The following RBFOX3 variants were observed in gnomAD, a reference collection of about 807,000 sequenced individuals.
RBFOX3 encodes RNA binding protein fox-1 homolog 3.
Under a neutral mutation model 48.7 loss-of-function variants are expected in RBFOX3, and 17 were observed. The observed-to-expected ratio is 0.35, with a 90% CI of 0.24 to 0.52. The LOEUF is 0.52. Ranked by LOEUF, RBFOX3 falls within the 20% of genes least tolerant of loss-of-function variation. The pLI is 0.94. For synonymous variants in RBFOX3, 212 were observed against 209.5 expected, an observed-to-expected ratio of 1.01 and a Z score of -0.10; for missense variants, 382 against 497.5, an observed-to-expected ratio of 0.77 and a Z score of 2.21.
At chr17:79,312,968 T>C (rs1210464040) in intron 2 of RBFOX3, among the ~76,000 whole-genome samples, 1 of 152,086 alleles carries the variant, frequency 6.6e-6, no homozygotes, top group East Asian at 1.9e-4. Flanking sequence ...ACCCTTCCAG[T>C]GACCCTAGGA....
At chr17:79,238,172 G>A (rs552773973) in intron 3 of RBFOX3, among the ~76,000 whole-genome samples, 9 of 152,208 alleles carry the variant, frequency 5.9e-5, no homozygotes, top group Non-Finnish European at 1.2e-4. Context: ...CCTGACCTCA[G>A]GTGATCCACC....
chr17:79,518,778 G>A (rs1226751659), intron 1 of RBFOX3, among the ~76,000 whole-genome samples: 1 of 152,250 alleles, frequency 6.6e-6, no homozygotes, highest in East Asian at 1.9e-4. Flanking sequence ...AAACCCACAG[G>A]AAGGCATTGA....
intron 1 of RBFOX3, among the ~76,000 whole-genome samples, chr17:79,517,343 G>A (rs1022268970): frequency 2.0e-5 from 3 of 151,486 alleles, no homozygotes; most frequent in African/African-American, 7.3e-5. Context: ...TACTTGGGAG[G>A]CTGAGGCAGG....
At chr17:79,657,659 A>G in the RBFOX3 span, among the ~76,000 whole-genome samples, 1 of 152,166 alleles carries the variant, frequency 6.6e-6, no homozygotes, top group East Asian at 1.9e-4. Flanking sequence ...AGCCTGGGTA[A>G]CAGAGCAAGA....
chr17:79,529,419 C>T (rs1005971793), intron 1 of RBFOX3, among the ~76,000 whole-genome samples: 14,106 of 152,232 alleles, frequency 0.093, 1,918 homozygotes, highest in African/African-American at 0.3. Context: ...CAATCCTCCA[C>T]GGAACCAGTT....
chr17:79,193,246 G>C (rs2054884680), intron 4 of RBFOX3, among the ~76,000 whole-genome samples: 1 of 152,196 alleles, frequency 6.6e-6, no homozygotes, highest in South Asian at 2.1e-4. Context: ...GATTACGCTC[G>C]GAAGCCGGGC....
chr17:79,380,281 AAT>A (rs2059741329), intron 2 of RBFOX3, among the ~76,000 whole-genome samples: 1 of 152,250 alleles, frequency 6.6e-6, no homozygotes, highest in African/African-American at 2.4e-5. Flanking sequence ...GTCAAAATTA[AAT>A]CTCTTTTGAT....
At chr17:79,536,942 G>A (rs1311832071) in intron 1 of RBFOX3, among the ~76,000 whole-genome samples, 2 of 151,990 alleles carry the variant, frequency 1.3e-5, no homozygotes, top group Non-Finnish European at 2.9e-5. Flanking sequence ...AAAATTAGCT[G>A]GGCATGGTGG....
At chr17:79,619,420 G>A in the RBFOX3 span, among the ~76,000 whole-genome samples, 1 of 152,170 alleles carries the variant, frequency 6.6e-6, no homozygotes, top group Non-Finnish European at 1.5e-5. Flanking sequence ...CGCTCCTGGG[G>A]GCCAGGGGCA....
At position 79,131,650 on chromosome 17, in the gene RBFOX3, T is replaced by A. The variant is rs578169407; in HGVS notation, c.-33-15902A>T. Among the ~76,000 whole-genome samples the A allele has an allele frequency of 1.0e-3, 155 of 152,368 alleles. 1 individual carries two copies. The highest frequency in any genetic ancestry group is 3.3e-3 in the African/African-American group (136 of 41,586). On this transcript the variant is annotated intron_variant, in intron 4 of 14. Coordinates refer to ENST00000693108, the MANE Select transcript of RBFOX3 (RefSeq NM_001350451.2). ...TTTGGTAACTGTATCTCAATACAAT[T>A]GGTTTCCTTCATAATAATCTGTTTT...
chr17:79,093,705 C>T (rs748885194), intron 14 of RBFOX3, among the ~76,000 whole-genome samples: 1 of 151,988 alleles, frequency 6.6e-6, no homozygotes, highest in Non-Finnish European at 1.5e-5. Context: ...CACCCCGGGG[C>T]TGGGGCCAGT....
chr17:79,119,802 C>T (rs1369706212), intron 4 of RBFOX3, among the ~76,000 whole-genome samples: 1 of 152,194 alleles, frequency 6.6e-6, no homozygotes, highest in Non-Finnish European at 1.5e-5. Context: ...CTGCAAGCGG[C>T]TCTCAGAGCT....
intron 2 of RBFOX3, among the ~76,000 whole-genome samples, chr17:79,462,630 G>T (rs552546836): frequency 1.3e-5 from 2 of 152,298 alleles, no homozygotes; most frequent in South Asian, 4.1e-4. Context: ...TAGGGATCCT[G>T]CTCAGTGTCC....
chr17:79,590,887 C>G (rs2093397135), intron 1 of RBFOX3, among the ~76,000 whole-genome samples: 1 of 152,174 alleles, frequency 6.6e-6, no homozygotes, highest in Non-Finnish European at 1.5e-5. Flanking sequence ...GACCCCACCC[C>G]AAATCTCAAA....
intron 1 of RBFOX3, among the ~76,000 whole-genome samples, chr17:79,556,073 A>T (rs995478424): frequency 3.9e-5 from 6 of 152,188 alleles, no homozygotes; most frequent in African/African-American, 4.8e-5. Flanking sequence ...GGGAAAGCAT[A>T]CTTGCAATCA....
chr17:79,393,572 G>A (rs1451868314), intron 2 of RBFOX3, among the ~76,000 whole-genome samples: 2 of 152,062 alleles, frequency 1.3e-5, no homozygotes, highest in East Asian at 1.9e-4. Flanking sequence ...CACACACATC[G>A]GAGCTGGTCA....
intron 5 of RBFOX3, among the ~76,000 whole-genome samples, chr17:79,113,873 GAAGA>G (rs145127803): frequency 0.12 from 17,628 of 152,182 alleles, 1,265 homozygotes; most frequent in East Asian, 0.23. Flanking sequence ...CCGAGTGAAG[GAAGA>G]CTTTATGTGT....
chr17:79,483,765 T>G (rs2079122159), intron 1 of RBFOX3, among the ~76,000 whole-genome samples: 1 of 151,884 alleles, frequency 6.6e-6, no homozygotes, highest in African/African-American at 2.4e-5. Flanking sequence ...CACTCCGTAT[T>G]CTTCTGAGTG....
chr17:79,537,387 C>G (rs576499721), intron 1 of RBFOX3, among the ~76,000 whole-genome samples: 282 of 152,314 alleles, frequency 1.9e-3, no homozygotes, highest in Non-Finnish European at 3.1e-3. Context: ...TTAGGGCCCA[C>G]CCTCATCTTA....
Sources: gnomAD v4.1 joint callset for allele counts (sites outside exome capture counted in the v4.1 genomes callset) on GRCh38, gnomAD v4.1.1 for gene constraint, MANE v1.5 for transcripts, NCBI Gene and HGNC (gene_info 2026-07-23, HGNC 2026-07-21) for gene names.